Variants in KLHL32 observed in about 807,000 individuals in gnomAD.
The protein encoded by KLHL32 is kelch like family member 32, also known as kelch-like protein 32.
In KLHL32, 35 loss-of-function variants were observed where a neutral mutation model predicts 64.8. The observed-to-expected ratio is 0.54, with a 90% CI of 0.41 to 0.72. The LOEUF (loss-of-function observed/expected upper bound fraction) is 0.72, where lower values mean the gene tolerates loss of function less well. Ranked by LOEUF, KLHL32 falls within the 30% of genes least tolerant of loss-of-function variation. KLHL32 has a pLI of 0.00. For missense variants in KLHL32, 589 were observed against 768.5 expected, an observed-to-expected ratio of 0.77 and a Z score of 2.76; for synonymous variants, 259 against 281.0, an observed-to-expected ratio of 0.92 and a Z score of 0.78.
chr6:97,070,291 A>G (rs1475545150), intron 5 of KLHL32, among the ~76,000 whole-genome samples: 1 of 152,234 alleles, frequency 6.6e-6, no homozygotes, highest in Non-Finnish European at 1.5e-5. Context: ...GTGGAAATGT[A>G]TCAGACCTAT....
the KLHL32 span, among the ~76,000 whole-genome samples, chr6:96,916,665 A>C: frequency 1.3e-5 from 2 of 152,162 alleles, no homozygotes; most frequent in African/African-American, 2.4e-5. Flanking sequence ...TATTAACACA[A>C]AAATTTTTGT....
chr6:96,996,119 C>T (rs907655786), intron 3 of KLHL32, among the ~76,000 whole-genome samples: 18 of 152,214 alleles, frequency 1.2e-4, no homozygotes, highest in African/African-American at 3.1e-4. Flanking sequence ...CCCTGGGCTG[C>T]GGGCCACTCT....
At position 97,038,530 on chromosome 6, in the gene KLHL32, T is replaced by C. The variant is rs1582806817; in HGVS notation, c.205-2962T>C. 4.6e-5 allele frequency among the ~76,000 whole-genome samples: 7 copies of C among 152,132 alleles called. No individual in the cohort carries two copies. The South Asian group carries it at 1.2e-3, about 27-fold the overall frequency. On this transcript the variant is annotated intron_variant, in intron 3 of 10. Coordinates refer to ENST00000369261, the MANE Select transcript of KLHL32 (RefSeq NM_052904.4). Reference sequence around the variant, plus strand: ...GCAATAACAGATTCTGGCAATGATATGGAGAAAGGGGAACCCTAGTACACT... The same window carrying C: ...GCAATAACAGATTCTGGCAATGATACGGAGAAAGGGGAACCCTAGTACACT...
intron 2 of KLHL32, among the ~76,000 whole-genome samples, chr6:96,969,572 A>G (rs1273154458): frequency 6.6e-6 from 1 of 152,178 alleles, no homozygotes; most frequent in Non-Finnish European, 1.5e-5. Flanking sequence ...TTCCACAAAA[A>G]TCTTCAGATT....
At chr6:97,105,312 A>G in intron 6 of KLHL32, 1 of 392,112 alleles carries the variant, frequency 2.6e-6, no homozygotes, top group Non-Finnish European at 5.2e-6. Context: ...TTCTATTAAA[A>G]CACGCTTTCC....
In KLHL32 at chr6:96,930,281, T is replaced by C. The variant is rs974438843; in HGVS notation, c.-66+5255T>C. ...TAGAAACCTTATTATTTATGATTTT[T>C]AGTTCTACAATTGAAAGTGCAAGGT... is the stretch of plus-strand genomic sequence containing the variant. On this transcript the variant is annotated intron_variant, in intron 1 of 10. Transcript: ENST00000369261. Among the ~76,000 whole-genome samples the C allele has an allele frequency of 5.3e-5, 8 of 152,198 alleles. 1 individual carries two copies. Among genetic ancestry groups the C allele is most frequent in the Admixed American group, 5.2e-4 (8 of 15,270 alleles).
intron 3 of KLHL32, among the ~76,000 whole-genome samples, chr6:96,977,808 T>C (rs1775875709): frequency 6.6e-6 from 1 of 152,178 alleles, no homozygotes; most frequent in African/African-American, 2.4e-5. Flanking sequence ...AACTGAGTAA[T>C]GTAGAAGATA....
intron 3 of KLHL32, among the ~76,000 whole-genome samples, chr6:97,003,684 G>C (rs1399115571): frequency 6.6e-6 from 1 of 152,052 alleles, no homozygotes; most frequent in Non-Finnish European, 1.5e-5. Context: ...GTAAGGAAGG[G>C]GTCTAGTTTC....
At chr6:96,922,335 A>C (rs978399835), upstream of KLHL32, among the ~76,000 whole-genome samples, 2 of 152,106 alleles carry the variant, frequency 1.3e-5, no homozygotes, top group Admixed American at 6.5e-5. Flanking sequence ...TCCTGATATT[A>C]TCCTGTTGTC....
chr6:96,930,000 G>A (rs944849940), intron 1 of KLHL32, among the ~76,000 whole-genome samples: 3 of 152,054 alleles, frequency 2.0e-5, no homozygotes, highest in Non-Finnish European at 4.4e-5. Context: ...GTTTATTTGA[G>A]GCATAATGTA....
chr6:97,018,592 C>G (rs1409792180), intron 3 of KLHL32, among the ~76,000 whole-genome samples: 7 of 139,130 alleles, frequency 5.0e-5, no homozygotes, highest in African/African-American at 1.9e-4. Flanking sequence ...CAGAGCAAGA[C>G]TCAGTCTCAA....
chr6:96,919,062 G>C, the KLHL32 span, among the ~76,000 whole-genome samples: 1 of 152,090 alleles, frequency 6.6e-6, no homozygotes. Flanking sequence ...AGCACAGTGA[G>C]AGATTCATGA....
At chr6:97,023,244 T>TA (rs1268567398) in intron 3 of KLHL32, among the ~76,000 whole-genome samples, 1 of 152,240 alleles carries the variant, frequency 6.6e-6, no homozygotes, top group African/African-American at 2.4e-5. Flanking sequence ...TTAGGTTTTT[T>TA]AAAACATTTG....
intron 5 of KLHL32, among the ~76,000 whole-genome samples, chr6:97,069,387 G>A (rs1275134985): frequency 6.7e-6 from 1 of 148,574 alleles, no homozygotes; most frequent in Non-Finnish European, 1.5e-5. Context: ...GAGAATTCTG[G>A]GTGATTTTGT....
Position 97,073,736 on chromosome 6 carries a change from GA to G in KLHL32, c.411+9018del, listed in dbSNP as rs200772875. Among the ~76,000 whole-genome samples, 154 of 151,894 alleles carry G rather than the reference GA, an allele frequency of 1.0e-3. 4 individuals carry two copies. The East Asian group carries it at 0.019, about 19-fold the overall frequency. On this transcript the variant is annotated intron_variant, in intron 5 of 10. Transcript: ENST00000369261. The stretch of plus-strand genomic sequence containing the variant: ...ATAAAAACTGTGTATTTATTTAAAA[GA>G]AAAAAAATCTGAATTTTTCCTTACT...
At chr6:97,127,564 C>A (rs566697364) in intron 8 of KLHL32, 102 bp downstream of exon 8, 1 of 923,068 alleles carries the variant, frequency 1.1e-6, no homozygotes, top group Non-Finnish European at 1.7e-6. Context: ...CACAGATATG[C>A]ATCTTTAGCT....
At chr6:97,082,525 A>G (rs1404145172) in intron 5 of KLHL32, among the ~76,000 whole-genome samples, 1 of 151,994 alleles carries the variant, frequency 6.6e-6, no homozygotes, top group Non-Finnish European at 1.5e-5. Context: ...AAGCAGGAGA[A>G]TGGCATGAAC....
At chr6:97,044,995 CTA>C (rs1246999073) in intron 4 of KLHL32, among the ~76,000 whole-genome samples, 1 of 151,822 alleles carries the variant, frequency 6.6e-6, no homozygotes, top group Non-Finnish European at 1.5e-5. Context: ...TTTGTAGTCT[CTA>C]TTTTTCACTA....
intron 7 of KLHL32, among the ~76,000 whole-genome samples, chr6:97,123,703 G>A (rs990369722): frequency 6.6e-6 from 1 of 152,112 alleles, no homozygotes; most frequent in Non-Finnish European, 1.5e-5. Context: ...CCCTGGGGTG[G>A]GGGAGGGAGA....
Sources: allele counts gnomAD v4.1 joint callset (sites outside exome capture counted in the v4.1 genomes callset), GRCh38; gene constraint gnomAD v4.1.1; transcripts MANE v1.5; gene names NCBI Gene and HGNC (gene_info 2026-07-23, HGNC 2026-07-21).